PDE8A: variants seen among roughly 807,000 people sequenced by gnomAD.
PDE8A encodes the protein phosphodiesterase 8A.
A neutral mutation model predicts 105.0 loss-of-function variants in PDE8A; 59 were observed. The ratio of observed to expected loss-of-function variants is 0.56; its 90% CI spans 0.46 to 0.70. PDE8A has a LOEUF of 0.70. Among genes scored for constraint, PDE8A ranks in the 30% least tolerant of loss-of-function variants. The pLI is 0.00. For synonymous variants in PDE8A, 355 were observed against 371.9 expected (o/e 0.95, Z 0.52); for missense variants, 1,014 against 1,045.9 (o/e 0.97, Z 0.42).
intron 12 of PDE8A, 143 bp downstream of exon 12, chr15:85,109,273 C>A (rs2081988076): frequency 1.9e-6 from 1 of 522,586 alleles, no homozygotes; most frequent in Non-Finnish European, 3.5e-6. Flanking sequence ...TGTTCCCTTT[C>A]TCCCTCTCTG....
intron 1 of PDE8A, among the ~76,000 whole-genome samples, chr15:85,008,050 A>C (rs1045984677): frequency 2.0e-5 from 3 of 152,028 alleles, no homozygotes; most frequent in African/African-American, 4.8e-5. Flanking sequence ...TCCTTAATGT[A>C]TGTGAGTGAC....
chr15:84,989,913 A>G lies in PDE8A; in HGVS notation c.186+7565A>G, dbSNP rs192899898. Among the ~76,000 whole-genome samples the G allele has an allele frequency of 1.2e-4, 19 of 152,312 alleles. No individual in the cohort carries two copies. In the East Asian group the frequency reaches 3.5e-3, roughly 28 times the overall value. ...GCCTGCCATCTGGATTCTGCAGTTAACAGTTTTCTATATTTGTCTTATATC... is the reference window on the plus strand; with the variant it reads ...GCCTGCCATCTGGATTCTGCAGTTAGCAGTTTTCTATATTTGTCTTATATC... On this transcript the variant is annotated intron_variant, in intron 1 of 21. Transcript: ENST00000394553.
chr15:85,039,353 C>G (rs1046990834), intron 1 of PDE8A, among the ~76,000 whole-genome samples: 1 of 151,454 alleles, frequency 6.6e-6, no homozygotes, highest in Non-Finnish European at 1.5e-5. Flanking sequence ...TGCTTGAGCC[C>G]GGGAGGTTGA....
At chr15:85,131,529 A>G (rs1006314392) in intron 20 of PDE8A, among the ~76,000 whole-genome samples, 1 of 152,230 alleles carries the variant, frequency 6.6e-6, no homozygotes, top group Non-Finnish European at 1.5e-5. Context: ...ATGAACTCTT[A>G]TATAGCTCTA....
intron 1 of PDE8A, among the ~76,000 whole-genome samples, chr15:85,040,997 C>T (rs1478014415): frequency 1.3e-5 from 2 of 152,108 alleles, no homozygotes; most frequent in Admixed American, 1.3e-4. Context: ...TCGTAACCCC[C>T]TGCCACCACA....
intron 16 of PDE8A, 87 bp from the exon 17 acceptor site, chr15:85,117,554 A>T: frequency 8.8e-7 from 1 of 1,137,708 alleles, no homozygotes; most frequent in Non-Finnish European, 1.3e-6. Flanking sequence ...CACTCTCTGA[A>T]ATTTGGCTTG....
chr15:85,099,679 T>G, intron 9 of PDE8A: 1 of 268,242 alleles, frequency 3.7e-6, no homozygotes, highest in Non-Finnish European at 7.1e-6. Flanking sequence ...AAAGCATCAA[T>G]GTAAAGGGTT....
At chr15:85,015,249 T>TG (rs1048680155) in intron 1 of PDE8A, among the ~76,000 whole-genome samples, 6 of 151,774 alleles carry the variant, frequency 4.0e-5, no homozygotes, top group African/African-American at 1.5e-4. Flanking sequence ...TAAGTCTTTT[T>TG]TTTTTTGGAC....
At chr15:85,007,937 A>C (rs918273191) in intron 1 of PDE8A, among the ~76,000 whole-genome samples, 4 of 152,160 alleles carry the variant, frequency 2.6e-5, no homozygotes, top group African/African-American at 9.7e-5. Context: ...ACTGCAGCTC[A>C]TAGTCAGAAT....
chr15:84,987,811 T>A (rs1376632157), intron 1 of PDE8A, among the ~76,000 whole-genome samples: 1 of 152,050 alleles, frequency 6.6e-6, no homozygotes, highest in Non-Finnish European at 1.5e-5. Flanking sequence ...AGGTTCATGA[T>A]GTGAGGACAC....
rs565530646 is a variant in PDE8A, at chr15:85,026,355, A to G, written c.187-38015A>G. Among the ~76,000 whole-genome samples the G allele has an allele frequency of 7.9e-5, 12 of 152,218 alleles. No homozygotes were observed. The South Asian group carries it at 2.5e-3, about 32-fold the overall frequency. ...GGGTGCCTTGAAGGCTAGTGGAATC[A>G]GCTGGGACCAATGACCAGAACACCT... On this transcript the variant is annotated intron_variant, in intron 1 of 21. Transcript: ENST00000394553.
Position 85,137,982 on chromosome 15 carries a change from TC to T in PDE8A, c.*81del. The T allele has an allele frequency of 1.2e-6, 1 of 868,356 alleles. No homozygotes were observed. The highest frequency in any genetic ancestry group is 1.9e-6 in the Non-Finnish European group (1 of 520,748). 53.8% of individuals were successfully genotyped at this position (868,356 alleles called of 1,614,324 possible). A position where few individuals can be genotyped will look rare whatever the true frequency, so the allele number is the denominator to read the frequency against. Reference sequence around the variant, plus strand: ...CCTGAGGGCAGCCAGAGCTCCTTGGTCCTTTCAGTACTAGGCAGAACAGCCC... The same window carrying T: ...CCTGAGGGCAGCCAGAGCTCCTTGGTCTTTCAGTACTAGGCAGAACAGCCC... On this transcript the variant is annotated 3_prime_UTR_variant, in exon 22 of 22. Transcript: ENST00000394553.
At chr15:85,068,941 G>GT (rs1378230669) in intron 3 of PDE8A, among the ~76,000 whole-genome samples, 1 of 152,198 alleles carries the variant, frequency 6.6e-6, no homozygotes, top group East Asian at 1.9e-4. Flanking sequence ...GGAAGAAAAT[G>GT]TACTATTGCT....
chr15:85,099,410 G>T (rs998897590), intron 9 of PDE8A, among the ~76,000 whole-genome samples: 1 of 152,224 alleles, frequency 6.6e-6, no homozygotes, highest in African/African-American at 2.4e-5. Context: ...TGGGTTCTCT[G>T]TTCTGATTCT....
chr15:85,023,343 C>A (rs72757020), intron 1 of PDE8A, among the ~76,000 whole-genome samples: 13,079 of 152,040 alleles, frequency 0.086, 1,539 homozygotes, highest in African/African-American at 0.27. Context: ...TATTTTTCTC[C>A]CGCAGTGGTT....
At chr15:85,007,510 A>G (rs951231715) in intron 1 of PDE8A, among the ~76,000 whole-genome samples, 2 of 151,658 alleles carry the variant, frequency 1.3e-5, no homozygotes, top group East Asian at 1.9e-4. Flanking sequence ...GTTACGCTAT[A>G]TGTACTTTCT....
At chr15:85,037,465 C>A (rs920253052) in intron 1 of PDE8A, among the ~76,000 whole-genome samples, 1 of 152,174 alleles carries the variant, frequency 6.6e-6, no homozygotes, top group Middle Eastern at 3.2e-3. Context: ...CCTCTCACCC[C>A]ACAAAATATA....
At chr15:85,034,594 A>G (rs1368080897) in intron 1 of PDE8A, among the ~76,000 whole-genome samples, 4 of 152,240 alleles carry the variant, frequency 2.6e-5, no homozygotes, top group African/African-American at 2.4e-5. Context: ...AAAGCTGACA[A>G]TGAACTAATA....
At chr15:85,057,832 G>A (rs1023275727) in intron 1 of PDE8A, among the ~76,000 whole-genome samples, 2 of 150,538 alleles carry the variant, frequency 1.3e-5, no homozygotes, top group African/African-American at 4.8e-5. Flanking sequence ...GTACAATAAT[G>A]TATTACACTG....
Sources: allele counts gnomAD v4.1 joint callset (sites outside exome capture counted in the v4.1 genomes callset), GRCh38; gene constraint gnomAD v4.1.1; transcripts MANE v1.5; gene names NCBI Gene and HGNC (gene_info 2026-07-23, HGNC 2026-07-21).